The following CLASP2 variants were observed in gnomAD, a reference collection of about 807,000 sequenced individuals.
CLASP2 encodes the protein CLIP-associating protein 2.
A neutral mutation model predicts 194.4 loss-of-function variants in CLASP2; 47 were observed. That is an observed-to-expected ratio of 0.24 (90% CI 0.19 to 0.31). CLASP2 has a LOEUF of 0.31. CLASP2 is among the 10% of genes least tolerant of loss of function. The pLI is 1.00. For synonymous variants in CLASP2, 619 were observed against 633.5 expected (o/e 0.98, Z 0.34); for missense variants, 1,445 against 1,823.6 (o/e 0.79, Z 3.78).
At chr3:33,645,577 T>A (rs1286433224) in intron 7 of CLASP2, 3 of 424,322 alleles carry the variant, frequency 7.1e-6, no homozygotes, top group Non-Finnish European at 8.3e-6. Flanking sequence ...ATCTAAAAAA[T>A]TCTCTATTAG....
chr3:33,657,861 C>G (rs1181902309), intron 7 of CLASP2, among the ~76,000 whole-genome samples: 1 of 152,082 alleles, frequency 6.6e-6, no homozygotes, highest in Non-Finnish European at 1.5e-5. Flanking sequence ...TATCCTATCT[C>G]TCATAGCCCC....
At chr3:33,574,010 A>G (rs1439974669) in intron 24 of CLASP2, among the ~76,000 whole-genome samples, 3 of 152,210 alleles carry the variant, frequency 2.0e-5, no homozygotes, top group Non-Finnish European at 4.4e-5. Context: ...TTCAATAAAT[A>G]TAAGAAAGCA....
intron 36 of CLASP2, among the ~76,000 whole-genome samples, chr3:33,515,710 C>A (rs1256035751): frequency 1.3e-5 from 2 of 152,144 alleles, no homozygotes; most frequent in Non-Finnish European, 2.9e-5. Flanking sequence ...TTTAAAAAAT[C>A]AAATTCTTAT....
intron 35 of CLASP2, 60 bp from the exon 36 acceptor site, chr3:33,516,211 T>C (rs1411954465): frequency 3.2e-5 from 47 of 1,489,482 alleles, no homozygotes; most frequent in Non-Finnish European, 4.0e-5. Flanking sequence ...TTTAACATTT[T>C]CAATTTTTGT....
chr3:33,694,258 A>T (rs894609457), intron 2 of CLASP2, among the ~76,000 whole-genome samples: 3 of 152,196 alleles, frequency 2.0e-5, no homozygotes, highest in East Asian at 1.9e-4. Context: ...GGTAAAAGAC[A>T]GCTTAAGAGA....
intron 22 of CLASP2, among the ~76,000 whole-genome samples, chr3:33,584,130 A>G (rs1256822278): frequency 3.3e-5 from 5 of 152,216 alleles, no homozygotes; most frequent in South Asian, 2.1e-4. Flanking sequence ...GGGCTGAACT[A>G]TAACACGAAT....
At chr3:33,544,575 G>T in intron 31 of CLASP2, 123 bp downstream of exon 31, 1 of 827,640 alleles carries the variant, frequency 1.2e-6, no homozygotes, top group Non-Finnish European at 1.8e-6. Context: ...CTCAGGAAAT[G>T]CTGCCAAATA....
intron 12 of CLASP2, among the ~76,000 whole-genome samples, chr3:33,612,563 G>C (rs1015101181): frequency 6.6e-6 from 1 of 152,138 alleles, no homozygotes; most frequent in Non-Finnish European, 1.5e-5. Flanking sequence ...TAGAATTCAA[G>C]TAGAAGTTCC....
intron 24 of CLASP2, 81 bp from the exon 25 acceptor site, chr3:33,573,435 T>C (rs768211936): frequency 2.1e-6 from 3 of 1,404,730 alleles, no homozygotes; most frequent in East Asian, 2.3e-5. Context: ...CACAAAAGGA[T>C]TGATTTTTGT....
At chr3:33,616,188 C>G (rs936368622) in intron 12 of CLASP2, among the ~76,000 whole-genome samples, 25 of 152,196 alleles carry the variant, frequency 1.6e-4, no homozygotes, top group African/African-American at 5.8e-4. Flanking sequence ...AAAAAGTCAG[C>G]TGGGTGCAGG....
chr3:33,706,425 G>C (rs2092687961), intron 1 of CLASP2, among the ~76,000 whole-genome samples: 1 of 152,152 alleles, frequency 6.6e-6, no homozygotes, highest in South Asian at 2.1e-4. Context: ...CAAGTTAGTA[G>C]CATAACCACA....
chr3:33,581,807 G>A lies in CLASP2; in HGVS notation c.2347+14C>T. 6.3e-7 allele frequency: 1 copy of A among 1,587,962 alleles called. No homozygotes were observed. The highest frequency in any genetic ancestry group is 1.1e-5 in the South Asian group (1 of 89,502). On this transcript the variant is annotated intron_variant, in intron 23 of 38. Coordinates refer to ENST00000682230, the MANE Select transcript of CLASP2 (RefSeq NM_001365631.1). ...TGGATAAGCAATGCACATAACACCT[G>A]CCCGAATACGTACCGAGGGGCTGAA...
chr3:33,560,512 G>A (rs2061648638), intron 28 of CLASP2, among the ~76,000 whole-genome samples: 1 of 151,958 alleles, frequency 6.6e-6, no homozygotes, highest in Admixed American at 6.6e-5. Flanking sequence ...CAAAGTACTA[G>A]GATTACAGGT....
At chr3:33,585,911 G>A (rs1279275447) in intron 21 of CLASP2, among the ~76,000 whole-genome samples, 1 of 151,966 alleles carries the variant, frequency 6.6e-6, no homozygotes, top group Non-Finnish European at 1.5e-5. Context: ...TCTCTGAATG[G>A]TACAGCAAAG....
intron 1 of CLASP2, among the ~76,000 whole-genome samples, chr3:33,699,569 C>T (rs1363447136): frequency 1.3e-5 from 2 of 151,874 alleles, no homozygotes; most frequent in Admixed American, 6.6e-5. Flanking sequence ...TATAGTAGTC[C>T]CCCCTTATCT....
intron 9 of CLASP2, among the ~76,000 whole-genome samples, chr3:33,629,294 C>T (rs1037854269): frequency 6.6e-6 from 1 of 152,124 alleles, no homozygotes; most frequent in Non-Finnish European, 1.5e-5. Flanking sequence ...CTTGAACCTA[C>T]ATGAGATTAC....
chr3:33,644,214 AT>A (rs1263311360), intron 8 of CLASP2, among the ~76,000 whole-genome samples: 1 of 152,056 alleles, frequency 6.6e-6, no homozygotes, highest in Non-Finnish European at 1.5e-5. Context: ...ATGAAACCTG[AT>A]TTTTCTTATT....
intron 18 of CLASP2, among the ~76,000 whole-genome samples, chr3:33,598,368 C>T (rs1323409192): frequency 5.9e-5 from 9 of 152,102 alleles, no homozygotes; most frequent in African/African-American, 4.8e-5. Context: ...TCCAAAATAT[C>T]GTATCTGATA....
intron 6 of CLASP2, among the ~76,000 whole-genome samples, chr3:33,665,359 C>T (rs759000237): frequency 1.2e-4 from 18 of 151,270 alleles, no homozygotes; most frequent in East Asian, 3.9e-4. Flanking sequence ...AAATATAATA[C>T]GAATATGGGA....
Sources: allele counts gnomAD v4.1 joint callset (sites outside exome capture counted in the v4.1 genomes callset), GRCh38; gene constraint gnomAD v4.1.1; transcripts MANE v1.5; gene names NCBI Gene and HGNC (gene_info 2026-07-23, HGNC 2026-07-21).